Variants in HS6ST2 observed in about 807,000 individuals in gnomAD.
HS6ST2 encodes the protein heparan sulfate 6-O-sulfotransferase 2.
HS6ST2 carries 17 observed loss-of-function variants against 33.0 expected under a neutral mutation model. That is an observed-to-expected ratio of 0.52 (90% CI 0.35 to 0.77). The LOEUF (loss-of-function observed/expected upper bound fraction) is 0.77. Among genes scored for constraint, HS6ST2 ranks in the 30% least tolerant of loss-of-function variants. The pLI, the probability that HS6ST2 is intolerant of heterozygous loss-of-function variation, is 0.01. For synonymous variants in HS6ST2, 248 were observed against 237.1 expected, an observed-to-expected ratio of 1.05 and a Z score of -0.42; for missense variants, 519 against 551.7, an observed-to-expected ratio of 0.94 and a Z score of 0.59.
intron 2 of HS6ST2, among the ~76,000 whole-genome samples, chrX:132,905,161 C>T: frequency 8.9e-6 from 1 of 111,842 alleles, no homozygotes. Flanking sequence ...CAAATATCTT[C>T]TTCCAACTTG....
In HS6ST2 at chrX:132,635,044, G is replaced by A. The variant is rs1311044854; in HGVS notation, c.1068-5951C>T. On this transcript the variant is annotated intron_variant, in intron 4 of 4. Transcript: ENST00000370833. ...CATGTAACTTGTTGCTTATGAGTGT[G>A]TTCTGTCTCACCAAACCCATAGAAG... is the stretch of plus-strand genomic sequence containing the variant. Among the ~76,000 whole-genome samples, 40 of 111,816 alleles carry A rather than the reference G, an allele frequency of 3.6e-4. 1 individual carries two copies. In the Admixed American group the frequency reaches 3.8e-3, roughly 11 times the overall value.
chrX:132,834,248 A>T (rs2065620298), intron 2 of HS6ST2, among the ~76,000 whole-genome samples: 1 of 111,975 alleles, frequency 8.9e-6, no homozygotes, highest in Non-Finnish European at 1.9e-5. Flanking sequence ...CCTGGGTAAA[A>T]TACTTCCTCA....
chrX:132,778,754 A>C (rs768888327), intron 2 of HS6ST2, among the ~76,000 whole-genome samples: 40 of 111,142 alleles, frequency 3.6e-4, no homozygotes, highest in Non-Finnish European at 3.6e-4. Context: ...CTGAATTTAA[A>C]GCCCTAAATC....
At chrX:132,754,526 C>T (rs922737194) in intron 2 of HS6ST2, among the ~76,000 whole-genome samples, 2 of 108,853 alleles carry the variant, frequency 1.8e-5, no homozygotes, top group Non-Finnish European at 3.8e-5. Flanking sequence ...ACGCCATTCT[C>T]CTGCCTCAGC....
intron 2 of HS6ST2, among the ~76,000 whole-genome samples, chrX:132,844,334 C>T (rs1291165035): frequency 8.9e-6 from 1 of 111,859 alleles, no homozygotes. Flanking sequence ...GCTCCAATGT[C>T]TCTTCCATCC....
At position 132,639,132 on chromosome X, in the gene HS6ST2, A is replaced by G. The variant is rs1399831388; in HGVS notation, c.1068-10039T>C. On this transcript the variant is annotated intron_variant, in intron 4 of 4. Transcript: ENST00000370833. ...TCTAATGCCTTTGAATTCAAACTCA[A>G]GGTGGAATTCTTCACACAATGAGTC... 5.3e-5 allele frequency among the ~76,000 whole-genome samples: 6 copies of G among 112,424 alleles called. No homozygotes were observed. In the Admixed American group the frequency reaches 5.6e-4, roughly 11 times the overall value.
At chrX:132,778,377 GT>G (rs2148329235) in intron 2 of HS6ST2, among the ~76,000 whole-genome samples, 1 of 108,481 alleles carries the variant, frequency 9.2e-6, no homozygotes, top group African/African-American at 3.5e-5. Context: ...AAAAAACGTT[GT>G]TTTGTTTTGT....
intron 2 of HS6ST2, among the ~76,000 whole-genome samples, chrX:132,919,962 T>C (rs770192011): frequency 9.0e-5 from 10 of 111,605 alleles, no homozygotes; most frequent in South Asian, 7.6e-4. Flanking sequence ...CCTGGAAAGA[T>C]GAACAAAGAA....
At chrX:132,793,048 CTTTTTTTTTTTTT>C (rs755535720) in intron 2 of HS6ST2, among the ~76,000 whole-genome samples, 6 of 53,241 alleles carry the variant, frequency 1.1e-4, no homozygotes, top group South Asian at 1.2e-3. Flanking sequence ...AAATAAACTC[CTTTTTTTTTTTTT>C]TTTTTTTTTT....
chrX:132,949,861 C>T (rs956230275), intron 2 of HS6ST2, among the ~76,000 whole-genome samples: 3 of 110,519 alleles, frequency 2.7e-5, no homozygotes, highest in Admixed American at 1.9e-4. Flanking sequence ...TTCTCTCGCT[C>T]GCTCGCTCGC....
At chrX:132,949,839 G>A (rs1163994317) in intron 2 of HS6ST2, among the ~76,000 whole-genome samples, 2 of 110,477 alleles carry the variant, frequency 1.8e-5, no homozygotes, top group Non-Finnish European at 3.8e-5. Context: ...TTTGGGAGGG[G>A]TAGGAGATGA....
chrX:132,750,554 T>G (rs1265128216), intron 2 of HS6ST2, among the ~76,000 whole-genome samples: 1 of 111,500 alleles, frequency 9.0e-6, no homozygotes, highest in Non-Finnish European at 1.9e-5. Flanking sequence ...TAGAGTTTCT[T>G]TGGCTCCAGC....
chrX:132,743,284 T>C (rs1245311336), intron 2 of HS6ST2, among the ~76,000 whole-genome samples: 1 of 112,101 alleles, frequency 8.9e-6, no homozygotes, highest in East Asian at 2.8e-4. Context: ...GGGGCTTTCA[T>C]TGACGGGAAG....
chrX:132,801,394 A>G (rs2065233653), intron 2 of HS6ST2, among the ~76,000 whole-genome samples: 1 of 112,016 alleles, frequency 8.9e-6, no homozygotes, highest in Non-Finnish European at 1.9e-5. Context: ...TGTTGGATTC[A>G]TTTTATATTC....
intron 4 of HS6ST2, among the ~76,000 whole-genome samples, chrX:132,638,423 T>C (rs992959140): frequency 2.6e-4 from 29 of 111,130 alleles, no homozygotes; most frequent in African/African-American, 9.2e-4. Flanking sequence ...AAAAGAAGTG[T>C]GGGACTTCAC....
chrX:132,706,045 A>C (rs911538411), intron 3 of HS6ST2, among the ~76,000 whole-genome samples: 3 of 110,768 alleles, frequency 2.7e-5, no homozygotes, highest in Admixed American at 1.9e-4. Flanking sequence ...AACTTACTAT[A>C]ATAGTTCCCA....
At chrX:132,791,420 C>G (rs1195819331) in intron 2 of HS6ST2, among the ~76,000 whole-genome samples, 6 of 111,757 alleles carry the variant, frequency 5.4e-5, no homozygotes, top group Non-Finnish European at 1.1e-4. Flanking sequence ...CATGGACCTC[C>G]AGTTCCCTCT....
At chrX:132,739,696 CAG>C (rs1240917142) in intron 2 of HS6ST2, among the ~76,000 whole-genome samples, 1 of 92,870 alleles carries the variant, frequency 1.1e-5, no homozygotes, top group African/African-American at 4.1e-5. Context: ...GCCTGGGTGA[CAG>C]AGCAAGACTC....
intron 2 of HS6ST2, among the ~76,000 whole-genome samples, chrX:132,855,550 G>T (rs2065845600): frequency 8.9e-6 from 1 of 111,930 alleles, no homozygotes; most frequent in African/African-American, 3.2e-5. Context: ...TGAACACATT[G>T]CTATATCAAC....
Sources: gnomAD v4.1 joint callset for allele counts (sites outside exome capture counted in the v4.1 genomes callset) on GRCh38, gnomAD v4.1.1 for gene constraint, MANE v1.5 for transcripts, NCBI Gene and HGNC (gene_info 2026-07-23, HGNC 2026-07-21) for gene names.